DISC1: variants seen among roughly 807,000 people sequenced by gnomAD.
DISC1 encodes the protein DISC1 scaffold protein.
In DISC1, 57 loss-of-function variants were observed where a neutral mutation model predicts 84.5. That is an observed-to-expected ratio of 0.67 (90% CI 0.55 to 0.84). The LOEUF is 0.84. DISC1 is among the 40% of genes least tolerant of loss of function. The pLI is 0.00. For synonymous variants in DISC1, 411 were observed against 415.2 expected, an observed-to-expected ratio of 0.99 and a Z score of 0.12; for missense variants, 1,000 against 1,057.8, an observed-to-expected ratio of 0.95 and a Z score of 0.76.
intron 11 of DISC1, 28 bp from the exon 12 acceptor site, chr1:232,026,407 A>G: frequency 6.7e-7 from 1 of 1,497,276 alleles, no homozygotes; most frequent in Non-Finnish European, 9.2e-7. Context: ...GGCACTAACA[A>G]GTGATCTTGT....
chr1:231,858,692 G>A (rs1422418005), intron 9 of DISC1, among the ~76,000 whole-genome samples: 1 of 151,982 alleles, frequency 6.6e-6, no homozygotes, highest in East Asian at 1.9e-4. Flanking sequence ...TTTCAAAAAA[G>A]ATGTTGCAAA....
At chr1:232,013,129 T>A (rs1320996641) in intron 11 of DISC1, among the ~76,000 whole-genome samples, 1 of 152,284 alleles carries the variant, frequency 6.6e-6, no homozygotes, top group Admixed American at 6.5e-5. Context: ...CCATAATACC[T>A]GCGTAATTTT....
At chr1:231,716,179 G>C (rs899748864) in intron 3 of DISC1, among the ~76,000 whole-genome samples, 6 of 152,108 alleles carry the variant, frequency 3.9e-5, no homozygotes, top group Admixed American at 1.3e-4. Flanking sequence ...ACTGTGTAAA[G>C]TGTGGATGCT....
At chr1:231,827,009 G>A (rs930017281) in intron 9 of DISC1, among the ~76,000 whole-genome samples, 1 of 151,066 alleles carries the variant, frequency 6.6e-6, no homozygotes, top group African/African-American at 2.4e-5. Flanking sequence ...TTTTTTTTGA[G>A]ACAGAGTCTC....
chr1:231,865,016 T>C (rs1477576860), intron 9 of DISC1, among the ~76,000 whole-genome samples: 5 of 152,158 alleles, frequency 3.3e-5, no homozygotes, highest in South Asian at 4.1e-4. Context: ...TGGAGCGGTA[T>C]TGGGCCCAGG....
At chr1:231,934,877 C>T (rs946010699) in intron 9 of DISC1, among the ~76,000 whole-genome samples, 1 of 152,194 alleles carries the variant, frequency 6.6e-6, no homozygotes, top group Non-Finnish European at 1.5e-5. Context: ...TGTGCTTCCT[C>T]CACTGGAGTT....
chr1:231,907,784 C>A (rs1468061823), intron 9 of DISC1, among the ~76,000 whole-genome samples: 2 of 152,206 alleles, frequency 1.3e-5, no homozygotes, highest in Non-Finnish European at 2.9e-5. Flanking sequence ...AGTTTACAGT[C>A]CCACCAACAG....
intron 9 of DISC1, chr1:231,925,997 T>A (rs529831247): frequency 6.6e-6 from 1 of 152,334 alleles, no homozygotes; most frequent in Admixed American, 6.5e-5. Flanking sequence ...TACTTTGTCA[T>A]AGCAGCATTA....
At chr1:231,767,381 C>T in intron 5 of DISC1, 112 bp downstream of exon 5, 16 of 1,440,520 alleles carry the variant, frequency 1.1e-5, no homozygotes, top group Non-Finnish European at 1.5e-5. Context: ...TAGCTCATTG[C>T]AGCCTTGAGC....
intron 9 of DISC1, among the ~76,000 whole-genome samples, chr1:231,912,463 C>G (rs565027652): frequency 3.3e-5 from 5 of 152,322 alleles, no homozygotes; most frequent in Admixed American, 1.3e-4. Flanking sequence ...CCCTGTTTAC[C>G]TGGGTATCAC....
intron 12 of DISC1, among the ~76,000 whole-genome samples, chr1:232,033,506 T>C (rs1295642465): frequency 6.6e-6 from 1 of 152,220 alleles, no homozygotes; most frequent in East Asian, 1.9e-4. Context: ...CCACGGCTCC[T>C]CCCATCTCAC....
intron 1 of DISC1, among the ~76,000 whole-genome samples, chr1:231,646,179 G>A (rs944686593): frequency 6.6e-6 from 1 of 151,470 alleles, no homozygotes; most frequent in Non-Finnish European, 1.5e-5. Context: ...ACAGTCCCTG[G>A]TGTGTGATGC....
chr1:232,004,988 CTTCT>C (rs199578366), intron 10 of DISC1, among the ~76,000 whole-genome samples: 27 of 65,714 alleles, frequency 4.1e-4, no homozygotes, highest in African/African-American at 1.3e-3. Context: ...TTCCATCCTT[CTTCT>C]CTTCTTTCCT....
Position 232,038,265 on chromosome 1 carries a change from G to A in DISC1, c.*1434G>A, listed in dbSNP as rs1335162132. ...GTAAATCAGTGCAGTACTCAGTAAT[G>A]CAAGGGCATTTCAGGCTCCTGCTGG... On this transcript the variant is annotated 3_prime_UTR_variant, in exon 13 of 13. Coordinates refer to ENST00000439617, the MANE Select transcript of DISC1 (RefSeq NM_018662.3). 1 of 152,144 alleles carries A rather than the reference G, an allele frequency of 6.6e-6. No homozygotes were observed. The highest frequency in any genetic ancestry group is 1.9e-4 in the East Asian group (1 of 5,196). 9.4% of individuals were successfully genotyped at this position (152,144 alleles called of 1,614,324 possible). A position where few individuals can be genotyped will look rare whatever the true frequency, so the allele number is the denominator to read the frequency against.
intron 9 of DISC1, among the ~76,000 whole-genome samples, chr1:231,910,041 A>G (rs2089055453): frequency 6.6e-6 from 1 of 151,960 alleles, no homozygotes; most frequent in Non-Finnish European, 1.5e-5. Context: ...ATCATTTTTT[A>G]TTGCACCTAT....
intron 10 of DISC1, 36 bp downstream of exon 10, chr1:231,958,924 G>A: frequency 5.6e-6 from 9 of 1,598,140 alleles, no homozygotes; most frequent in Non-Finnish European, 7.7e-6. Context: ...AGACTCCGTA[G>A]CACATCTAGA....
chr1:231,737,687 T>A (rs779508379), intron 3 of DISC1, among the ~76,000 whole-genome samples: 4 of 152,102 alleles, frequency 2.6e-5, no homozygotes, highest in East Asian at 3.8e-4. Context: ...ATTAATATTT[T>A]AAAAAAACAA....
At chr1:231,809,523 TG>T (rs1354693488) in intron 8 of DISC1, among the ~76,000 whole-genome samples, 8 of 78,132 alleles carry the variant, frequency 1.0e-4, no homozygotes, top group Non-Finnish European at 8.4e-5. Flanking sequence ...CTTTTTTTTT[TG>T]AAAAAAAAAA....
At chr1:231,830,890 C>G (rs978951644) in intron 9 of DISC1, among the ~76,000 whole-genome samples, 1 of 152,044 alleles carries the variant, frequency 6.6e-6, no homozygotes, top group African/African-American at 2.4e-5. Context: ...TTCCTGAAGA[C>G]GGAGGACCGT....
Sources: gnomAD v4.1 joint callset for allele counts (sites outside exome capture counted in the v4.1 genomes callset) on GRCh38, gnomAD v4.1.1 for gene constraint, MANE v1.5 for transcripts, NCBI Gene and HGNC (gene_info 2026-07-23, HGNC 2026-07-21) for gene names.